The following LRP11 variants were observed in gnomAD, a reference collection of about 807,000 sequenced individuals.
LRP11 encodes low-density lipoprotein receptor-related protein 11.
In LRP11, 25 loss-of-function variants were observed where a neutral mutation model predicts 43.1. The ratio of observed to expected loss-of-function variants is 0.58; its 90% CI spans 0.42 to 0.81. LRP11 has a LOEUF of 0.81. Ranked by LOEUF, LRP11 falls within the 30% of genes least tolerant of loss-of-function variation. The pLI is 0.00. For missense variants in LRP11, 623 were observed against 665.1 expected (o/e 0.94, Z 0.70); for synonymous variants, 316 against 299.4 (o/e 1.06, Z -0.57).
At chr6:149,847,559 T>C (rs1776655597) in intron 2 of LRP11, among the ~76,000 whole-genome samples, 1 of 152,196 alleles carries the variant, frequency 6.6e-6, no homozygotes, top group African/African-American at 2.4e-5. Context: ...TTCACAGACA[T>C]GTTCCAAGTA....
intron 6 of LRP11, among the ~76,000 whole-genome samples, chr6:149,823,159 G>A (rs1280253870): frequency 1.3e-5 from 2 of 152,218 alleles, no homozygotes; most frequent in African/African-American, 4.8e-5. Flanking sequence ...TGAGGAAAGA[G>A]ACGTCCAAGA....
intron 3 of LRP11, among the ~76,000 whole-genome samples, chr6:149,842,266 T>C (rs1429172886): frequency 6.6e-6 from 1 of 152,294 alleles, no homozygotes; most frequent in Admixed American, 6.5e-5. Context: ...TTAATATGTA[T>C]TTTTAATTGA....
At chr6:149,832,021 G>C (rs1776414046) in intron 5 of LRP11, among the ~76,000 whole-genome samples, 1 of 152,106 alleles carries the variant, frequency 6.6e-6, no homozygotes, top group Non-Finnish European at 1.5e-5. Context: ...TAATTGCATT[G>C]CTACCAGCAG....
At chr6:149,822,564 A>C (rs1776290063) in intron 6 of LRP11, among the ~76,000 whole-genome samples, 1 of 152,130 alleles carries the variant, frequency 6.6e-6, no homozygotes, top group Non-Finnish European at 1.5e-5. Context: ...AGAGCTAGCA[A>C]ATAACCCCAG....
At position 149,843,210 on chromosome 6, in the gene LRP11, C is replaced by T. The variant is rs1404851175; in HGVS notation, c.772-86G>A. ...ATCCTCAACCGAAAGTCCATGTCCT[C>T]AGAGCAGCCCCAGGACCTGCCTCTG... On this transcript the variant is annotated intron_variant, in intron 2 of 6. Coordinates refer to ENST00000239367, the MANE Select transcript of LRP11 (RefSeq NM_032832.6). The T allele has an allele frequency of 6.0e-6, 9 of 1,511,328 alleles. No individual in the cohort carries two copies. The South Asian group carries it at 1.1e-4, about 18-fold the overall frequency. 93.6% of individuals were successfully genotyped at this position (1,511,328 alleles called of 1,614,324 possible).
At chr6:149,842,027 G>A (rs1227348264) in intron 3 of LRP11, among the ~76,000 whole-genome samples, 1 of 152,120 alleles carries the variant, frequency 6.6e-6, no homozygotes, top group Non-Finnish European at 1.5e-5. Flanking sequence ...TGTATTTAAA[G>A]TTATATTATT....
In LRP11 at chr6:149,835,953, TGGC is replaced by T. The variant is rs894759244; in HGVS notation, c.1252+129_1252+131del. 15 of 826,890 alleles carry T rather than the reference TGGC, an allele frequency of 1.8e-5. No individual in the cohort carries two copies. The African/African-American group carries it at 2.4e-4, about 13-fold the overall frequency. The allele number at this position is 826,890 out of a possible 1,614,324, so 51.2% of individuals were successfully genotyped here. The stretch of plus-strand genomic sequence containing the variant: ...ATGTCAAGATTTCCCCCCGCCTTTC[TGGC>T]CAAATTCTTAATTTTAACTCTTATT... On this transcript the variant is annotated intron_variant, in intron 5 of 6. Coordinates refer to ENST00000239367, the MANE Select transcript of LRP11 (RefSeq NM_032832.6).
chr6:149,841,016 T>C (rs2115389380), intron 3 of LRP11, among the ~76,000 whole-genome samples: 1 of 152,318 alleles, frequency 6.6e-6, no homozygotes, highest in African/African-American at 2.4e-5. Flanking sequence ...GGCTGGAGTT[T>C]GGTGCCTGTC....
intron 5 of LRP11, among the ~76,000 whole-genome samples, chr6:149,830,866 C>G (rs1241827667): frequency 6.6e-6 from 1 of 152,212 alleles, no homozygotes; most frequent in Non-Finnish European, 1.5e-5. Flanking sequence ...ACCCAGGAAC[C>G]TGGCCCTGCC....
At chr6:149,850,337 A>G (rs1776699846) in intron 2 of LRP11, among the ~76,000 whole-genome samples, 1 of 152,188 alleles carries the variant, frequency 6.6e-6, no homozygotes, top group Non-Finnish European at 1.5e-5. Context: ...TCCTGGCAGA[A>G]ATGTTGGGGT....
intron 5 of LRP11, among the ~76,000 whole-genome samples, chr6:149,828,788 C>A (rs978905411): frequency 2.0e-5 from 3 of 152,014 alleles, no homozygotes; most frequent in African/African-American, 4.8e-5. Context: ...CAGCACCTGA[C>A]CTAAAAATAT....
Position 149,863,577 on chromosome 6 carries a change from G to A in LRP11, c.444C>T (p.Pro148=). 2.1e-6 allele frequency: 3 copies of A among 1,407,872 alleles called. No individual in the cohort carries two copies. The highest frequency in any genetic ancestry group is 2.5e-4 in the Middle Eastern group (1 of 3,932). 87.2% of individuals were successfully genotyped at this position (1,407,872 alleles called of 1,614,324 possible). The change falls in exon 1 of 7, where the codon CCC becomes CCT. Residue 148 remains proline (P), a synonymous_variant. Transcript: ENST00000239367. ...PRCSVAVVEL[P]RRPAPPAAVL... The stretch of plus-strand genomic sequence containing the variant: ...CGGCTGCCGGGGGCGCGGGGCGCCG[G>A]GGCAGCTCCACCACGGCCACGGAGC...
chr6:149,860,927 TTG>T (rs1264422387), intron 1 of LRP11, among the ~76,000 whole-genome samples: 1 of 152,092 alleles, frequency 6.6e-6, no homozygotes, highest in East Asian at 1.9e-4. Context: ...ACCTAGGCCT[TTG>T]TGTTGTTGTG....
chr6:149,833,161 T>C (rs919949215), intron 5 of LRP11, among the ~76,000 whole-genome samples: 12 of 152,132 alleles, frequency 7.9e-5, no homozygotes, highest in African/African-American at 2.9e-4. Flanking sequence ...ATGATCTCGA[T>C]CTCCTGACCT....
At chr6:149,839,568 A>G (rs1220496777) in intron 3 of LRP11, among the ~76,000 whole-genome samples, 1 of 152,220 alleles carries the variant, frequency 6.6e-6, no homozygotes, top group African/African-American at 2.4e-5. Context: ...TAAATTTTCT[A>G]TCTATTTTTG....
chr6:149,839,061 G>GTTTTT (rs869148170), intron 3 of LRP11, among the ~76,000 whole-genome samples: 165 of 136,992 alleles, frequency 1.2e-3, no homozygotes, highest in African/African-American at 4.2e-3. Flanking sequence ...GTTTTTTTTT[G>GTTTTT]TTTTTTTTTT....
intron 6 of LRP11, among the ~76,000 whole-genome samples, chr6:149,822,335 A>G (rs1776287350): frequency 6.6e-6 from 1 of 151,682 alleles, no homozygotes; most frequent in Non-Finnish European, 1.5e-5. Flanking sequence ...GTAAGGGCCT[A>G]TCTCAAAAAA....
At chr6:149,856,276 C>G (rs1269935421) in intron 1 of LRP11, among the ~76,000 whole-genome samples, 1 of 152,144 alleles carries the variant, frequency 6.6e-6, no homozygotes, top group East Asian at 1.9e-4. Context: ...CCTACCTCTC[C>G]TGGAAGAAAA....
chr6:149,851,899 T>C (rs1201263180), intron 2 of LRP11, among the ~76,000 whole-genome samples: 1 of 152,156 alleles, frequency 6.6e-6, no homozygotes, highest in Non-Finnish European at 1.5e-5. Context: ...AACTTACTAG[T>C]ATAATCACCG....
Sources: allele counts gnomAD v4.1 joint callset (sites outside exome capture counted in the v4.1 genomes callset), GRCh38; gene constraint gnomAD v4.1.1; transcripts MANE v1.5; gene names NCBI Gene and HGNC (gene_info 2026-07-23, HGNC 2026-07-21).